PREPL: variants seen among roughly 807,000 people sequenced by gnomAD.
PREPL encodes prolyl endopeptidase-like.
In PREPL, 77 loss-of-function variants were observed where a neutral mutation model predicts 70.6. The ratio of observed to expected loss-of-function variants is 1.09; its 90% confidence interval spans 0.91 to 1.32. The LOEUF is 1.32. Among genes scored for constraint, PREPL ranks in the 40% most tolerant of loss-of-function variants. The pLI is 0.00. For synonymous variants in PREPL, 315 were observed against 264.8 expected (o/e 1.19, Z -1.84); for missense variants, 1,002 against 778.2 (o/e 1.29, Z -3.42).
At chr2:44,347,076 A>G (rs183672850) in intron 1 of PREPL, 1 of 152,364 alleles carries the variant, frequency 6.6e-6, no homozygotes, top group East Asian at 1.9e-4. Flanking sequence ...CATGCCTGTA[A>G]CCCCAGCATT....
At position 44,342,522 on chromosome 2, in the gene PREPL, A is replaced by G. The variant is rs2103969323; in HGVS notation, c.380T>C (p.Val127Ala). ...EWVKDEEDED[V>A]LFYTFQRNLR... ...GTTCCTCTGGAAGGTGTAGAATAAA[A>G]CATCTTCATCTTCCTCGTCCTTTAC... Residue 127 changes from valine (V) to alanine (A), a missense_variant, in exon 5 of 14, where the codon GTT becomes GCT. By Grantham distance (64) the Val-to-Ala change is moderately conservative. Transcript: ENST00000409411. 5.0e-6 allele frequency: 8 copies of G among 1,611,480 alleles called. No homozygotes were observed. Among genetic ancestry groups the G allele is most frequent in the Non-Finnish European group, 6.8e-6 (8 of 1,178,016 alleles).
intron 10 of PREPL, 37 bp from the exon 11 acceptor site, chr2:44,323,448 G>C (rs1031582281): frequency 1.3e-6 from 2 of 1,510,652 alleles, no homozygotes; most frequent in South Asian, 2.5e-5. Context: ...CTTCAAGTAA[G>C]AGGTTGGTAA....
intron 7 of PREPL, among the ~76,000 whole-genome samples, chr2:44,333,889 T>A (rs996331416): frequency 3.3e-5 from 5 of 152,116 alleles, no homozygotes; most frequent in Non-Finnish European, 5.9e-5. Context: ...AGAGCGAGGG[T>A]ACAAGGTTCC....
At chr2:44,351,192 C>T (rs1383826400) in intron 1 of PREPL, among the ~76,000 whole-genome samples, 2 of 151,794 alleles carry the variant, frequency 1.3e-5, no homozygotes, top group African/African-American at 2.4e-5. Context: ...GCCTCAGCCT[C>T]CCGAAGTGCT....
chr2:44,328,810 T>C, intron 9 of PREPL, 127 bp downstream of exon 9: 8 of 979,614 alleles, frequency 8.2e-6, no homozygotes, highest in Non-Finnish European at 1.2e-5. Flanking sequence ...AGTGCTGGTT[T>C]AGGAATACAA....
At chr2:44,345,060 A>G in intron 2 of PREPL, among the ~76,000 whole-genome samples, 1 of 152,204 alleles carries the variant, frequency 6.6e-6, no homozygotes, top group East Asian at 1.9e-4. Context: ...ACAACTATAC[A>G]CAGTCTTGAC....
intron 4 of PREPL, among the ~76,000 whole-genome samples, 184 bp downstream of exon 4, chr2:44,343,561 A>C (rs919883079): frequency 2.6e-5 from 4 of 152,196 alleles, no homozygotes; most frequent in Admixed American, 1.3e-4. Flanking sequence ...AAAATTACCC[A>C]TCTAGATATA....
At chr2:44,346,110 A>G (rs1675788502) in intron 2 of PREPL, among the ~76,000 whole-genome samples, 158 bp downstream of exon 2, 1 of 151,940 alleles carries the variant, frequency 6.6e-6, no homozygotes, top group Admixed American at 6.6e-5. Context: ...TGTGATCACA[A>G]TCTCTGAAAT....
intron 8 of PREPL, among the ~76,000 whole-genome samples, chr2:44,330,871 T>C (rs1674018385): frequency 6.6e-6 from 1 of 152,172 alleles, no homozygotes; most frequent in African/African-American, 2.4e-5. Context: ...CTTTTCTGTG[T>C]CTCATCTCTC....
chr2:44,361,852 G>T, upstream of PREPL: 1 of 1,305,080 alleles, frequency 7.7e-7, no homozygotes, highest in Non-Finnish European at 9.8e-7. Context: ...GGAGATGCGA[G>T]TACCGGAAAT....
chr2:44,339,169 A>G lies in PREPL; in HGVS notation c.680T>C (p.Val227Ala). 4 of 1,614,036 alleles carry G rather than the reference A, an allele frequency of 2.5e-6. No individual in the cohort carries two copies. Among genetic ancestry groups the G allele is most frequent in the Non-Finnish European group, 2.5e-6 (3 of 1,179,920 alleles). Residue 227 changes from valine to alanine, a missense_variant, in exon 6 of 14, where the codon GTT becomes GCT. Val to Ala is a moderately conservative substitution (Grantham distance 64, BLOSUM62 0). Coordinates refer to ENST00000409411, the MANE Select transcript of PREPL (RefSeq NM_001171613.2). ...RDDELYILTNVGEPTEFKLMR... is the reference protein window; with the variant it reads ...RDDELYILTNAGEPTEFKLMR... ...TACCTTAAATTCTGTAGGTTCTCCA[A>G]CATTAGTGAGAATGTATAATTCATC...
intron 9 of PREPL, among the ~76,000 whole-genome samples, chr2:44,328,639 G>C (rs967525489): frequency 6.6e-6 from 1 of 152,090 alleles, no homozygotes; most frequent in Non-Finnish European, 1.5e-5. Flanking sequence ...ATGGAAAACA[G>C]TTCAGATTCA....
chr2:44,346,202 A>C, intron 2 of PREPL, 66 bp downstream of exon 2: 1 of 1,438,832 alleles, frequency 7.0e-7, no homozygotes, highest in Non-Finnish European at 9.6e-7. Context: ...TAAATCACCA[A>C]GTATCTCATT....
rs1673170573 is a variant in PREPL at position 44,323,342 on chromosome 2, C to G, written c.1549G>C (p.Glu517Gln). The G allele has an allele frequency of 1.9e-6, 3 of 1,600,514 alleles. No individual in the cohort carries two copies. The African/African-American group carries it at 4.0e-5, about 21-fold the overall frequency. The change falls in exon 11 of 14, where the codon GAA becomes CAA. Residue 517 changes from glutamate (E) to glutamine (Q), a missense_variant. Physicochemically the swap from Glu to Gln is conservative, Grantham distance 29. Transcript: ENST00000409411. The part of the protein sequence containing the change: ...TLPLTLEELE[E>Q]WGNPSSDEKH... Reference sequence around the variant, plus strand: ...TCATCAGATGAAGGATTCCCCCATTCTTCTAATTCTTCTAATGTCAGAGGA... The same window carrying G: ...TCATCAGATGAAGGATTCCCCCATTGTTCTAATTCTTCTAATGTCAGAGGA...
At chr2:44,338,614 A>C (rs1218547901) in intron 6 of PREPL, 78 bp from the exon 7 acceptor site, 4 of 1,089,666 alleles carry the variant, frequency 3.7e-6, no homozygotes, top group Non-Finnish European at 5.3e-6. Flanking sequence ...ATCACTGAGA[A>C]CTAGACCATA....
intron 1 of PREPL, chr2:44,359,439 T>C: frequency 7.7e-7 from 1 of 1,297,220 alleles, no homozygotes; most frequent in Non-Finnish European, 1.1e-6. Context: ...CATTCTTTAT[T>C]TTTAAATTAA....
intron 12 of PREPL, 34 bp downstream of exon 12, chr2:44,322,697 T>A (rs1673095493): frequency 6.2e-7 from 1 of 1,603,180 alleles, no homozygotes; most frequent in African/African-American, 1.3e-5. Context: ...GTAGTCTGTT[T>A]GGCCATGTTC....
chr2:44,342,027 T>C (rs191217675), intron 5 of PREPL, among the ~76,000 whole-genome samples: 1 of 152,264 alleles, frequency 6.6e-6, no homozygotes, highest in African/African-American at 2.4e-5. Flanking sequence ...TATATACCAT[T>C]TATTTAAGCA....
intron 1 of PREPL, among the ~76,000 whole-genome samples, chr2:44,352,437 T>C (rs566117556): frequency 5.9e-5 from 9 of 152,252 alleles, no homozygotes; most frequent in African/African-American, 1.2e-4. Context: ...AATTTTTGCA[T>C]TGTTTGTAGA....
Sources: allele counts gnomAD v4.1 joint callset (sites outside exome capture counted in the v4.1 genomes callset), GRCh38; gene constraint gnomAD v4.1.1; transcripts MANE v1.5; gene names NCBI Gene and HGNC (gene_info 2026-07-23, HGNC 2026-07-21).